CDK6: variants seen among roughly 807,000 people sequenced by gnomAD.
CDK6 encodes the protein cyclin dependent kinase 6, also known as cyclin-dependent kinase 6.
In CDK6, 6 loss-of-function variants were observed where a neutral mutation model predicts 37.1. That is an observed-to-expected ratio of 0.16 (90% CI 0.09 to 0.32). The LOEUF is 0.32. CDK6 is among the 10% of genes least tolerant of loss of function. The pLI is 1.00. For synonymous variants in CDK6, 160 were observed against 161.3 expected (o/e 0.99, Z 0.06); for missense variants, 224 against 418.9 (o/e 0.53, Z 4.06).
chr7:92,670,039 C>T (rs903895037), intron 5 of CDK6, among the ~76,000 whole-genome samples: 4 of 152,210 alleles, frequency 2.6e-5, no homozygotes, highest in African/African-American at 9.6e-5. Flanking sequence ...CAGCTGATTT[C>T]AGTATTACTT....
intron 4 of CDK6, among the ~76,000 whole-genome samples, chr7:92,714,166 C>T (rs181160219): frequency 1.6e-4 from 24 of 152,122 alleles, no homozygotes; most frequent in Non-Finnish European, 2.4e-4. Flanking sequence ...CAAAAGTGCA[C>T]GGGAGGGTAG....
chr7:92,803,714 T>C (rs367862484), intron 2 of CDK6, among the ~76,000 whole-genome samples: 1 of 152,212 alleles, frequency 6.6e-6, no homozygotes, highest in African/African-American at 2.4e-5. Flanking sequence ...TCATATGAAC[T>C]GGAACATAAC....
chr7:92,705,471 G>A (rs1016251799), intron 4 of CDK6, among the ~76,000 whole-genome samples: 2 of 152,138 alleles, frequency 1.3e-5, no homozygotes, highest in African/African-American at 4.8e-5. Flanking sequence ...AGAGCTTTGA[G>A]CAGCATTAAA....
chr7:92,616,002 T>C (rs539901538), intron 7 of CDK6, among the ~76,000 whole-genome samples: 1 of 152,128 alleles, frequency 6.6e-6, no homozygotes, highest in Non-Finnish European at 1.5e-5. Flanking sequence ...ATCTTGTTAC[T>C]CAAATCCTCC....
chr7:92,736,860 TATTGAAACAAAAAGC>T, intron 3 of CDK6, among the ~76,000 whole-genome samples: 1 of 152,190 alleles, frequency 6.6e-6, no homozygotes, highest in Non-Finnish European at 1.5e-5. Context: ...TAAATTAGAA[TATTGAAACAAAAAGC>T]AAGGGGAAAA....
chr7:92,763,563 T>G (rs1217900915), intron 3 of CDK6, among the ~76,000 whole-genome samples: 1 of 152,222 alleles, frequency 6.6e-6, no homozygotes, highest in African/African-American at 2.4e-5. Flanking sequence ...TATCTCCTAT[T>G]AATGAGTAAG....
intron 3 of CDK6, among the ~76,000 whole-genome samples, chr7:92,760,526 T>C (rs74723746): frequency 0.019 from 2,899 of 152,262 alleles, 93 homozygotes; most frequent in African/African-American, 0.067. Context: ...CCCAATAAGA[T>C]GTATGCTAAA....
intron 4 of CDK6, among the ~76,000 whole-genome samples, chr7:92,705,958 T>C (rs1210071935): frequency 3.9e-5 from 6 of 152,228 alleles, no homozygotes; most frequent in Non-Finnish European, 8.8e-5. Flanking sequence ...CAGTGCAGGT[T>C]ATACAAGGGC....
At chr7:92,686,386 C>T (rs1797454374) in intron 4 of CDK6, among the ~76,000 whole-genome samples, 1 of 152,050 alleles carries the variant, frequency 6.6e-6, no homozygotes, top group African/African-American at 2.4e-5. Context: ...TTTAACGTTC[C>T]TGAGTTACTT....
intron 4 of CDK6, chr7:92,725,157 T>C: frequency 1.0e-6 from 1 of 985,402 alleles, no homozygotes; most frequent in African/African-American, 1.7e-5. Context: ...CACTGTGAAT[T>C]TGATTTCTTC....
At chr7:92,787,432 C>A (rs2115840734) in intron 2 of CDK6, among the ~76,000 whole-genome samples, 1 of 152,176 alleles carries the variant, frequency 6.6e-6, no homozygotes, top group Non-Finnish European at 1.5e-5. Flanking sequence ...AAATCCTAAT[C>A]ATCAATCCTG....
chr7:92,737,813 C>G (rs1327910040), intron 3 of CDK6, among the ~76,000 whole-genome samples: 1 of 152,090 alleles, frequency 6.6e-6, no homozygotes, highest in East Asian at 1.9e-4. Context: ...CACTTAGCTT[C>G]ATTTGGTCAA....
chr7:92,712,083 C>G (rs1360822561), intron 4 of CDK6, among the ~76,000 whole-genome samples: 3 of 151,450 alleles, frequency 2.0e-5, no homozygotes, highest in East Asian at 3.9e-4. Context: ...TGCTGTGAAC[C>G]CGGGAGGCAG....
intron 4 of CDK6, among the ~76,000 whole-genome samples, chr7:92,717,902 A>T (rs1798270366): frequency 6.6e-6 from 1 of 152,240 alleles, no homozygotes; most frequent in Non-Finnish European, 1.5e-5. Context: ...CACAGTGGTC[A>T]TCGATATTTG....
At chr7:92,714,194 G>C (rs766299623) in intron 4 of CDK6, among the ~76,000 whole-genome samples, 4 of 152,154 alleles carry the variant, frequency 2.6e-5, no homozygotes, top group Non-Finnish European at 5.9e-5. Context: ...ACTTTATCCT[G>C]GGGAGTTGGG....
At chr7:92,764,807 T>C (rs1234227096) in intron 3 of CDK6, among the ~76,000 whole-genome samples, 2 of 152,234 alleles carry the variant, frequency 1.3e-5, no homozygotes, top group Non-Finnish European at 2.9e-5. Context: ...ATGAAACGAT[T>C]GTTTAATTTT....
chr7:92,731,720 A>T (rs1391798359), intron 3 of CDK6, among the ~76,000 whole-genome samples: 1 of 152,168 alleles, frequency 6.6e-6, no homozygotes, highest in Non-Finnish European at 1.5e-5. Flanking sequence ...TAATGCTGAG[A>T]AGGTAAAGAA....
intron 5 of CDK6, among the ~76,000 whole-genome samples, chr7:92,659,633 C>T (rs1386809172): frequency 6.7e-6 from 1 of 149,250 alleles, no homozygotes; most frequent in East Asian, 2.2e-4. Context: ...CACACACACA[C>T]ACCACACACA....
At position 92,605,047 on chromosome 7, in the gene CDK6, T is replaced by C. The variant is rs1795395371; in HGVS notation, c.*10093A>G. ...GAAAGCAGTTTAAAGTTATTGTTTT[T>C]ATTATTTTTATTTGCTACCAATATT... is the stretch of plus-strand genomic sequence containing the variant. On this transcript the variant is annotated 3_prime_UTR_variant, in exon 8 of 8. Transcript: ENST00000424848. 1.3e-5 allele frequency: 3 copies of C among 231,074 alleles called. No individual in the cohort carries two copies. The highest frequency in any genetic ancestry group is 6.6e-5 in the African/African-American group (3 of 45,250). The allele number at this position is 231,074 out of a possible 1,614,324, so 14.3% of individuals were successfully genotyped here.
Sources: allele counts gnomAD v4.1 joint callset (sites outside exome capture counted in the v4.1 genomes callset), GRCh38; gene constraint gnomAD v4.1.1; transcripts MANE v1.5; gene names NCBI Gene and HGNC (gene_info 2026-07-23, HGNC 2026-07-21).